The following PPP2R2C variants were observed in gnomAD, a reference collection of about 807,000 sequenced individuals.
PPP2R2C encodes protein phosphatase 2 regulatory subunit Bgamma, also known as protein phosphatase 2, regulatory subunit B, gamma.
PPP2R2C carries 10 observed loss-of-function variants against 45.3 expected under a neutral mutation model. The ratio of observed to expected loss-of-function variants is 0.22; its 90% CI spans 0.14 to 0.37. The LOEUF (loss-of-function observed/expected upper bound fraction) is 0.37. Among genes scored for constraint, PPP2R2C ranks in the 10% least tolerant of loss-of-function variants. The pLI, the probability that PPP2R2C is intolerant of heterozygous loss-of-function variation, is 1.00. For synonymous variants in PPP2R2C, 257 were observed against 245.4 expected, an observed-to-expected ratio of 1.05 and a Z score of -0.44; for missense variants, 308 against 619.7, an observed-to-expected ratio of 0.50 and a Z score of 5.34.
At chr4:6,446,322 G>C (rs1263350755) in intron 1 of PPP2R2C, among the ~76,000 whole-genome samples, 2 of 152,128 alleles carry the variant, frequency 1.3e-5, no homozygotes, top group East Asian at 1.9e-4. Context: ...TGACTTGGGA[G>C]AGCATCGGAC....
chr4:6,551,305 C>G (rs1725177845), intron 1 of PPP2R2C, among the ~76,000 whole-genome samples: 1 of 152,222 alleles, frequency 6.6e-6, no homozygotes, highest in Non-Finnish European at 1.5e-5. Flanking sequence ...CAGCACAGAC[C>G]ACAGCCTGCA....
At chr4:6,423,675 G>T (rs1390315675) in intron 1 of PPP2R2C, among the ~76,000 whole-genome samples, 1 of 152,236 alleles carries the variant, frequency 6.6e-6, no homozygotes, top group Non-Finnish European at 1.5e-5. Context: ...GAGAAAATGG[G>T]GGAATCTTTT....
chr4:6,512,981 A>G (rs1723718941), intron 2 of PPP2R2C, among the ~76,000 whole-genome samples: 1 of 152,276 alleles, frequency 6.6e-6, no homozygotes, highest in South Asian at 2.1e-4. Context: ...GGATAAAAAA[A>G]AATACTTCAC....
chr4:6,375,983 G>C (rs1190623008), intron 3 of PPP2R2C, 52 bp from the exon 4 acceptor site: 1 of 1,481,702 alleles, frequency 6.7e-7, no homozygotes, highest in Non-Finnish European at 9.4e-7. Context: ...CAGCCGGATG[G>C]AAGAGAAGAT....
intron 1 of PPP2R2C, among the ~76,000 whole-genome samples, chr4:6,403,396 T>C (rs1400165666): frequency 6.6e-6 from 1 of 151,994 alleles, no homozygotes; most frequent in Non-Finnish European, 1.5e-5. Flanking sequence ...TTTATTTGAT[T>C]AGAAAAAAAG....
intron 1 of PPP2R2C, chr4:6,413,849 G>A: frequency 6.5e-7 from 1 of 1,534,944 alleles, no homozygotes; most frequent in Non-Finnish European, 8.7e-7. Context: ...GGGCTGGCCA[G>A]CTCCACGATG....
chr4:6,560,228 C>G (rs1361769878), intron 1 of PPP2R2C, among the ~76,000 whole-genome samples: 2 of 152,212 alleles, frequency 1.3e-5, no homozygotes, highest in Non-Finnish European at 2.9e-5. Flanking sequence ...CAGTGCACAG[C>G]CCCCCAGGCC....
At chr4:6,501,687 T>C (rs990192580) in intron 2 of PPP2R2C, among the ~76,000 whole-genome samples, 3 of 152,210 alleles carry the variant, frequency 2.0e-5, no homozygotes, top group African/African-American at 7.2e-5. Context: ...GGCATGCGTG[T>C]TGGCCCATTT....
At chr4:6,513,773 GGGT>G (rs983920659) in intron 2 of PPP2R2C, among the ~76,000 whole-genome samples, 3 of 152,198 alleles carry the variant, frequency 2.0e-5, no homozygotes, top group Non-Finnish European at 2.9e-5. Context: ...ACCCCAGAAG[GGGT>G]GGTGGGCAGG....
intron 1 of PPP2R2C, among the ~76,000 whole-genome samples, chr4:6,429,070 A>T (rs186559893): frequency 4.6e-5 from 7 of 151,978 alleles, no homozygotes; most frequent in African/African-American, 1.7e-4. Context: ...GCAGAAAGGC[A>T]TCCACAGACA....
intron 5 of PPP2R2C, among the ~76,000 whole-genome samples, chr4:6,356,877 GAC>G (rs1713244041): frequency 6.6e-6 from 1 of 152,106 alleles, no homozygotes; most frequent in South Asian, 2.1e-4. Flanking sequence ...ATGAGACAGG[GAC>G]AGTGAGGTGC....
rs148264919 is a variant in PPP2R2C, at chr4:6,403,026, A to G, written c.71-21932T>C. ...CTCACACCTTCAAAGATCAGCTAGT[A>G]AGACCAGGCGGCAGGAGGGCAGTAA... On this transcript the variant is annotated intron_variant, in intron 1 of 8. Coordinates refer to ENST00000382599, the MANE Select transcript of PPP2R2C (RefSeq NM_020416.4). Among the ~76,000 whole-genome samples, 3 of 152,342 alleles carry G rather than the reference A, an allele frequency of 2.0e-5. No individual in the cohort carries two copies. The East Asian group carries it at 5.8e-4, about 29-fold the overall frequency.
intron 1 of PPP2R2C, among the ~76,000 whole-genome samples, chr4:6,556,778 C>T (rs1725414760): frequency 6.6e-6 from 1 of 152,048 alleles, no homozygotes; most frequent in Admixed American, 6.6e-5. Flanking sequence ...TGAAGTTTTG[C>T]CTCCTGGGAG....
chr4:6,542,709 A>AAAAAGAAAAAAG (rs1553908404), intron 1 of PPP2R2C, among the ~76,000 whole-genome samples: 3 of 127,836 alleles, frequency 2.3e-5, no homozygotes, highest in Non-Finnish European at 3.2e-5. Context: ...TCTCAAAAAA[A>AAAAAGAAAAAAG]AAAAAGAAAA....
intron 2 of PPP2R2C, among the ~76,000 whole-genome samples, chr4:6,496,862 A>AAAATAAAT (rs58136718): frequency 0.32 from 44,215 of 138,650 alleles, 7,273 homozygotes; most frequent in Admixed American, 0.36. Context: ...ACTCCATCTC[A>AAAATAAAT]AAATAAATAA....
chr4:6,458,999 AAGG>A (rs1721184219), intron 1 of PPP2R2C, among the ~76,000 whole-genome samples: 1 of 152,198 alleles, frequency 6.6e-6, no homozygotes, highest in African/African-American at 2.4e-5. Context: ...GTAGCCTGAG[AAGG>A]AGGAGGACCA....
At chr4:6,354,289 A>C (rs1022236719) in intron 5 of PPP2R2C, among the ~76,000 whole-genome samples, 1 of 151,124 alleles carries the variant, frequency 6.6e-6, no homozygotes. Context: ...CCTCAGTCTC[A>C]CCTTGGCCGC....
At chr4:6,449,913 C>G in intron 1 of PPP2R2C, among the ~76,000 whole-genome samples, 1 of 152,230 alleles carries the variant, frequency 6.6e-6, no homozygotes, top group Non-Finnish European at 1.5e-5. Flanking sequence ...GAAAACAGCC[C>G]CACCCCAATC....
chr4:6,526,694 G>T (rs1724219672), intron 2 of PPP2R2C, among the ~76,000 whole-genome samples: 1 of 152,156 alleles, frequency 6.6e-6, no homozygotes, highest in Non-Finnish European at 1.5e-5. Context: ...GAGAATCCGG[G>T]GGCTGGTCTT....
Sources: allele counts gnomAD v4.1 joint callset (sites outside exome capture counted in the v4.1 genomes callset), GRCh38; gene constraint gnomAD v4.1.1; transcripts MANE v1.5; gene names NCBI Gene and HGNC (gene_info 2026-07-23, HGNC 2026-07-21).